The following UGT1A8 variants were observed in gnomAD, a reference collection of about 807,000 sequenced individuals.
UGT1A8 encodes UDP-glucuronosyltransferase 1A8.
In UGT1A8, 39 loss-of-function variants were observed where a neutral mutation model predicts 45.3. The ratio of observed to expected loss-of-function variants is 0.86; its 90% CI spans 0.67 to 1.12. UGT1A8 has a LOEUF of 1.12. UGT1A8 is among the 50% of genes most tolerant of loss of function. The pLI is 0.00. For synonymous variants in UGT1A8, 275 were observed against 249.2 expected (o/e 1.10, Z -0.97); for missense variants, 719 against 664.9 (o/e 1.08, Z -0.90).
At chr2:233,758,025 T>G (rs1696779079) in intron 1 of UGT1A8, among the ~76,000 whole-genome samples, 1 of 152,184 alleles carries the variant, frequency 6.6e-6, no homozygotes, top group Non-Finnish European at 1.5e-5. Context: ...TCTGTCTACC[T>G]GACCCCTCCT....
At chr2:233,626,243 T>C in intron 1 of UGT1A8, among the ~76,000 whole-genome samples, 1 of 152,214 alleles carries the variant, frequency 6.6e-6, no homozygotes, top group Non-Finnish European at 1.5e-5. Flanking sequence ...CATGTTGTAA[T>C]AGAAGTCAAT....
rs77410236 is a variant in UGT1A8 at position 233,676,622 on chromosome 2, C to T, written c.855+58060C>T. On this transcript the variant is annotated intron_variant, in intron 1 of 4. Transcript: ENST00000373450. ...CTCCTTTGTCTCCTCCAGCCTGTGACGGTTTCTCAGACTCTCCTTGTTTTT... is the reference window on the plus strand; with the variant it reads ...CTCCTTTGTCTCCTCCAGCCTGTGATGGTTTCTCAGACTCTCCTTGTTTTT... 4.9e-3 allele frequency among the ~76,000 whole-genome samples: 741 copies of T among 152,262 alleles called. 21 individuals carry two copies. In the East Asian group the frequency reaches 0.076, roughly 16 times the overall value.
intron 1 of UGT1A8, among the ~76,000 whole-genome samples, chr2:233,628,491 G>A (rs185494673): frequency 1.6e-4 from 25 of 152,168 alleles, no homozygotes; most frequent in East Asian, 9.7e-4. Context: ...CTAAACTTAC[G>A]TATTTGTTCT....
At chr2:233,704,477 T>C (rs1575478652) in intron 1 of UGT1A8, among the ~76,000 whole-genome samples, 2 of 152,176 alleles carry the variant, frequency 1.3e-5, no homozygotes, top group African/African-American at 2.4e-5. Context: ...CTTTCTCCCC[T>C]TTTTATGATA....
intron 1 of UGT1A8, among the ~76,000 whole-genome samples, chr2:233,643,490 C>T (rs28969984): frequency 0.011 from 1,738 of 152,118 alleles, 44 homozygotes; most frequent in African/African-American, 0.039. Context: ...AAATGCTGTC[C>T]GAGTCAAGTC....
rs377618743 is a variant in UGT1A8, at chr2:233,743,739, T to A, written c.856-23295T>A. 1.2e-4 allele frequency: 170 copies of A among 1,367,366 alleles called. 1 individual carries two copies. Among genetic ancestry groups the A allele is most frequent in the South Asian group, 2.3e-4 (20 of 88,056 alleles). 84.7% of individuals were successfully genotyped at this position (1,367,366 alleles called of 1,614,324 possible). ...TAGCGGTCATAGATATCGCGTTTCT[T>A]GGCGTCCGACAACACCTCGTAGGCC... On this transcript the variant is annotated intron_variant, in intron 1 of 4. Transcript: ENST00000373450.
chr2:233,712,086 T>A (rs2076214187), intron 1 of UGT1A8, among the ~76,000 whole-genome samples: 1 of 152,220 alleles, frequency 6.6e-6, no homozygotes, highest in Admixed American at 6.5e-5. Flanking sequence ...AAGGCCTGGA[T>A]GAATGGACAC....
At chr2:233,710,529 T>A (rs1407208891) in intron 1 of UGT1A8, among the ~76,000 whole-genome samples, 1 of 152,266 alleles carries the variant, frequency 6.6e-6, no homozygotes, top group Admixed American at 6.5e-5. Flanking sequence ...AATCTTTTCA[T>A]GTGCTTATTG....
chr2:233,768,183 A>T (rs753962326), intron 3 of UGT1A8, 37 bp from the exon 4 acceptor site: 2 of 1,614,004 alleles, frequency 1.2e-6, no homozygotes, highest in Admixed American at 3.3e-5. Context: ...AAACTCAGAG[A>T]TGTAACTGCT....
At chr2:233,639,513 G>C (rs866882359) in intron 1 of UGT1A8, among the ~76,000 whole-genome samples, 1 of 152,300 alleles carries the variant, frequency 6.6e-6, no homozygotes, top group South Asian at 2.1e-4. Context: ...GTTACATCTT[G>C]CTGGGAAACA....
At chr2:233,674,327 A>G (rs2125505511) in intron 1 of UGT1A8, among the ~76,000 whole-genome samples, 1 of 152,310 alleles carries the variant, frequency 6.6e-6, no homozygotes, top group African/African-American at 2.4e-5. Flanking sequence ...AGGCTAGGAG[A>G]TGCAAATGGC....
intron 1 of UGT1A8, among the ~76,000 whole-genome samples, chr2:233,640,850 AG>A (rs1193155356): frequency 6.6e-6 from 1 of 152,104 alleles, no homozygotes; most frequent in Non-Finnish European, 1.5e-5. Context: ...TTGCTATGTC[AG>A]GGGGGAAATG....
At chr2:233,753,795 C>G (rs760622704) in intron 1 of UGT1A8, 1 of 152,194 alleles carries the variant, frequency 6.6e-6, no homozygotes, top group African/African-American at 2.4e-5. Flanking sequence ...TTTCCAGGAC[C>G]TACCATAGTT....
intron 1 of UGT1A8, among the ~76,000 whole-genome samples, chr2:233,674,389 C>G (rs904545171): frequency 2.0e-5 from 3 of 152,126 alleles, no homozygotes; most frequent in Non-Finnish European, 4.4e-5. Context: ...CTTTACCCTC[C>G]ATAAATTATA....
chr2:233,768,549 A>C, intron 4 of UGT1A8, 110 bp downstream of exon 4: 1 of 1,483,956 alleles, frequency 6.7e-7, no homozygotes, highest in Non-Finnish European at 8.9e-7. Flanking sequence ...AAATATAAAA[A>C]CAAATACATA....
chr2:233,710,120 C>T lies in UGT1A8; in HGVS notation c.856-56914C>T, dbSNP rs183297183. Among the ~76,000 whole-genome samples, 303 of 152,210 alleles carry T rather than the reference C, an allele frequency of 2.0e-3. 3 individuals carry two copies. The highest frequency in any genetic ancestry group is 6.9e-3 in the African/African-American group (286 of 41,512). On this transcript the variant is annotated intron_variant, in intron 1 of 4. Coordinates refer to ENST00000373450, the MANE Select transcript of UGT1A8 (RefSeq NM_019076.5). ...TCAATATTTCATTCGTTTCTATTTCCGAGTAGCATTTCATTGTATAGATAT... is the reference window on the plus strand; with the variant it reads ...TCAATATTTCATTCGTTTCTATTTCTGAGTAGCATTTCATTGTATAGATAT...
chr2:233,745,050 TTTATTTGTA>T (rs1253240051), intron 1 of UGT1A8, among the ~76,000 whole-genome samples: 6 of 151,926 alleles, frequency 3.9e-5, no homozygotes, highest in South Asian at 2.1e-4. Context: ...GTATTGGTTT[TTTATTTGTA>T]TTATTTGTAT....
intron 1 of UGT1A8, among the ~76,000 whole-genome samples, chr2:233,681,299 C>T (rs558793262): frequency 3.3e-4 from 50 of 151,844 alleles, no homozygotes; most frequent in East Asian, 1.8e-3. Context: ...TTTGGGAGGC[C>T]GAGATGGGCA....
intron 1 of UGT1A8, among the ~76,000 whole-genome samples, chr2:233,678,337 T>A (rs12477979): frequency 0.61 from 92,461 of 151,094 alleles, 28,505 homozygotes; most frequent in South Asian, 0.65. Context: ...GAGGAAGTCA[T>A]TCATCATAAA....
Sources: gnomAD v4.1 joint callset for allele counts (sites outside exome capture counted in the v4.1 genomes callset) on GRCh38, gnomAD v4.1.1 for gene constraint, MANE v1.5 for transcripts, NCBI Gene and HGNC (gene_info 2026-07-23, HGNC 2026-07-21) for gene names.